Variants in PTPRO observed in about 807,000 individuals in gnomAD.
PTPRO encodes the protein receptor-type tyrosine-protein phosphatase O.
Under a neutral mutation model 145.2 loss-of-function variants are expected in PTPRO, and 62 were observed. The observed-to-expected ratio is 0.43, with a 90% confidence interval of 0.35 to 0.53. The LOEUF is 0.53. Ranked by LOEUF, PTPRO falls within the 20% of genes least tolerant of loss-of-function variation. PTPRO has a pLI of 0.01. For synonymous variants in PTPRO, 565 were observed against 514.7 expected, an observed-to-expected ratio of 1.10 and a Z score of -1.32; for missense variants, 1,345 against 1,482.7, an observed-to-expected ratio of 0.91 and a Z score of 1.53.
At chr12:15,564,656 AC>A (rs1167978160) in intron 17 of PTPRO, among the ~76,000 whole-genome samples, 36 of 152,240 alleles carry the variant, frequency 2.4e-4, no homozygotes, top group African/African-American at 8.0e-4. Context: ...ATATTTGGAC[AC>A]ATTAAAGTAC....
intron 1 of PTPRO, among the ~76,000 whole-genome samples, chr12:15,448,314 C>A (rs1306387748): frequency 2.6e-5 from 3 of 115,420 alleles, no homozygotes; most frequent in Middle Eastern, 0.02. Flanking sequence ...TTGCCTTCTT[C>A]TCTATTCTAT....
intron 1 of PTPRO, chr12:15,439,511 T>G (rs1485966203): frequency 4.3e-6 from 1 of 231,694 alleles, no homozygotes; most frequent in East Asian, 1.2e-4. Context: ...TCACTTCTTA[T>G]CCAAGAAAAC....
At chr12:15,406,729 T>C (rs998400631) in intron 1 of PTPRO, among the ~76,000 whole-genome samples, 1 of 152,200 alleles carries the variant, frequency 6.6e-6, no homozygotes, top group African/African-American at 2.4e-5. Context: ...ATTGTGCTTA[T>C]AGAGGGAAAC....
At chr12:15,325,337 T>C (rs531623636) in intron 1 of PTPRO, among the ~76,000 whole-genome samples, 4 of 152,246 alleles carry the variant, frequency 2.6e-5, no homozygotes, top group East Asian at 1.9e-4. Flanking sequence ...ATCAGTTCCA[T>C]TGAGGGAGAC....
chr12:15,476,161 G>C (rs2136425204), intron 1 of PTPRO, among the ~76,000 whole-genome samples: 1 of 152,224 alleles, frequency 6.6e-6, no homozygotes, highest in Non-Finnish European at 1.5e-5. Flanking sequence ...CTGTGGTGGT[G>C]GTGGTGGTGC....
chr12:15,420,241 C>T (rs1940107177), intron 1 of PTPRO, among the ~76,000 whole-genome samples: 1 of 151,432 alleles, frequency 6.6e-6, no homozygotes, highest in South Asian at 2.1e-4. Flanking sequence ...TCTGCTACTG[C>T]CTCTTTCATA....
At chr12:15,515,415 A>G in intron 7 of PTPRO, 83 bp from the exon 8 acceptor site, 1 of 1,547,588 alleles carries the variant, frequency 6.5e-7, no homozygotes, top group Non-Finnish European at 8.9e-7. Flanking sequence ...TTCCAAAAAG[A>G]GTCTCTGAAT....
At chr12:15,552,535 T>C (rs1418462236) in intron 15 of PTPRO, among the ~76,000 whole-genome samples, 1 of 152,168 alleles carries the variant, frequency 6.6e-6, no homozygotes, top group African/African-American at 2.4e-5. Context: ...AAATCAGACA[T>C]CAAAGCTGTC....
chr12:15,402,517 A>G (rs1939525626), intron 1 of PTPRO, among the ~76,000 whole-genome samples: 1 of 152,204 alleles, frequency 6.6e-6, no homozygotes, highest in African/African-American at 2.4e-5. Flanking sequence ...TTCTGAAGGA[A>G]CAATCCACAA....
At chr12:15,498,595 G>A (rs1225179631) in intron 3 of PTPRO, among the ~76,000 whole-genome samples, 2 of 152,124 alleles carry the variant, frequency 1.3e-5, no homozygotes, top group Non-Finnish European at 2.9e-5. Context: ...AATATATGCA[G>A]TGAATTTGGT....
In PTPRO at chr12:15,581,298, C is replaced by CTTTT. The variant is rs147606138; in HGVS notation, c.3133-364_3133-361dup. On this transcript the variant is annotated intron_variant, in intron 22 of 26. Coordinates refer to ENST00000281171, the MANE Select transcript of PTPRO (RefSeq NM_030667.3). The stretch of plus-strand genomic sequence containing the variant: ...CAATGTTATGCGTTCTGAGTGCTTT[C>CTTTT]TTTTTTTTTTTTTTTTTTTTGAGAC... Among the ~76,000 whole-genome samples, 48 of 122,970 alleles carry CTTTT rather than the reference C, an allele frequency of 3.9e-4. 3 individuals carry two copies. Among genetic ancestry groups the CTTTT allele is most frequent in the East Asian group, 4.8e-4 (2 of 4,196 alleles). The allele number at this position is 122,970 out of a possible 152,430, so 80.7% of individuals were successfully genotyped here.
chr12:15,360,629 A>G (rs921098497), intron 1 of PTPRO, among the ~76,000 whole-genome samples: 7 of 151,366 alleles, frequency 4.6e-5, no homozygotes, highest in South Asian at 2.1e-4. Context: ...CTATATATAT[A>G]TGTGTGTGTG....
chr12:15,493,682 A>T (rs1222552541), intron 2 of PTPRO, among the ~76,000 whole-genome samples: 1 of 152,198 alleles, frequency 6.6e-6, no homozygotes, highest in Non-Finnish European at 1.5e-5. Context: ...AGGAACTATC[A>T]TACACTGCTA....
chr12:15,353,832 G>T lies in PTPRO; in HGVS notation c.75+31031G>T, dbSNP rs148173851. On this transcript the variant is annotated intron_variant, in intron 1 of 26. Transcript: ENST00000281171. ...TCCACCTCTTGGTAGCCATTACTTT[G>T]ATTCTGCTTTGTTTTCAGGATCATA... Among the ~76,000 whole-genome samples, 944 of 152,194 alleles carry T rather than the reference G, an allele frequency of 6.2e-3. 4 individuals carry two copies. The highest frequency in any genetic ancestry group is 0.01 in the Non-Finnish European group (684 of 67,998).
At position 15,371,235 on chromosome 12, in the gene PTPRO, C is replaced by CTTTT. The variant is rs549514481; in HGVS notation, c.75+48435_75+48436insTTTT. Among the ~76,000 whole-genome samples the CTTTT allele has an allele frequency of 1.4e-5, 2 of 142,286 alleles. 1 individual carries two copies. 93.3% of individuals were successfully genotyped at this position (142,286 alleles called of 152,430 possible). The stretch of plus-strand genomic sequence containing the variant: ...AATAAAGAACATAACCTCAAGCTCA[C>CTTTT]TATTTTTTTTTTTTTTAGACCGAGT... On this transcript the variant is annotated intron_variant, in intron 1 of 26. Coordinates refer to ENST00000281171, the MANE Select transcript of PTPRO (RefSeq NM_030667.3).
intron 1 of PTPRO, among the ~76,000 whole-genome samples, chr12:15,430,728 C>T (rs1036528508): frequency 2.0e-5 from 3 of 152,150 alleles, no homozygotes; most frequent in East Asian, 1.9e-4. Context: ...TAAGTGTTCC[C>T]ACCACACACA....
intron 1 of PTPRO, among the ~76,000 whole-genome samples, chr12:15,358,125 C>G (rs1036701064): frequency 6.6e-6 from 1 of 150,534 alleles, no homozygotes; most frequent in African/African-American, 2.4e-5. Flanking sequence ...TCTCAGTAAA[C>G]TATCGCAAGG....
At chr12:15,439,037 A>G (rs1334262293) in intron 1 of PTPRO, among the ~76,000 whole-genome samples, 1 of 152,124 alleles carries the variant, frequency 6.6e-6, no homozygotes. Context: ...TAGAGGACAG[A>G]TCATGTACAA....
intron 1 of PTPRO, among the ~76,000 whole-genome samples, chr12:15,465,122 TC>T (rs1242230404): frequency 6.6e-6 from 1 of 152,204 alleles, no homozygotes; most frequent in Non-Finnish European, 1.5e-5. Flanking sequence ...AAGAATGGAA[TC>T]CTTTCACTTG....
Sources: allele counts gnomAD v4.1 joint callset (sites outside exome capture counted in the v4.1 genomes callset), GRCh38; gene constraint gnomAD v4.1.1; transcripts MANE v1.5; gene names NCBI Gene and HGNC (gene_info 2026-07-23, HGNC 2026-07-21).